Variants in PCDHGA11 observed in about 807,000 individuals in gnomAD.
The protein encoded by PCDHGA11 is protocadherin gamma-A11.
In PCDHGA11, 39 loss-of-function variants were observed where a neutral mutation model predicts 60.4. The observed-to-expected ratio is 0.65, with a 90% CI of 0.50 to 0.84. The LOEUF is 0.84. PCDHGA11 is among the 40% of genes least tolerant of loss of function. PCDHGA11 has a pLI of 0.00. For missense variants in PCDHGA11, 1,165 were observed against 1,197.7 expected (o/e 0.97, Z 0.40); for synonymous variants, 533 against 510.3 (o/e 1.04, Z -0.60).
chr5:141,506,760 G>A (rs1018086132), intron 3 of PCDHGA11, among the ~76,000 whole-genome samples: 1 of 152,128 alleles, frequency 6.6e-6, no homozygotes, highest in Non-Finnish European at 1.5e-5. Context: ...CTAGCTTCTG[G>A]AGCAGCAAAT....
At chr5:141,428,147 G>A (rs771536400) in intron 1 of PCDHGA11, 2 of 1,589,610 alleles carry the variant, frequency 1.3e-6, no homozygotes, top group Admixed American at 1.7e-5. Context: ...GGCTGCACAC[G>A]GGAACCTGCT....
At position 141,472,368 on chromosome 5, in the gene PCDHGA11, C is replaced by T. The variant is rs555805048; in HGVS notation, c.2434-22439C>T. ...CATCCTGGCTAACACGGTGAAACCC[C>T]GTCTCCACTAAAAATAGAAAAAATT... is the stretch of plus-strand genomic sequence containing the variant. On this transcript the variant is annotated intron_variant, in intron 1 of 3. Transcript: ENST00000398587. Among the ~76,000 whole-genome samples, 214 of 152,012 alleles carry T rather than the reference C, an allele frequency of 1.4e-3. 1 individual carries two copies. The highest frequency in any genetic ancestry group is 4.8e-3 in the African/African-American group (199 of 41,452).
In PCDHGA11 at chr5:141,495,049, T is replaced by G. The variant is rs543734863; in HGVS notation, c.2492+184T>G. ...CCCCGGAAGGAAGAGGCGACTGCCC[T>G]GACTGTTCAGGAAGCTCAATTCACA... On this transcript the variant is annotated intron_variant, in intron 2 of 3. Coordinates refer to ENST00000398587, the MANE Select transcript of PCDHGA11 (RefSeq NM_018914.3). Among the ~76,000 whole-genome samples the G allele has an allele frequency of 5.6e-4, 86 of 152,312 alleles. 1 individual carries two copies. Among genetic ancestry groups the G allele is most frequent in the African/African-American group, 1.6e-3 (65 of 41,578 alleles).
chr5:141,465,893 C>T (rs926928579), intron 1 of PCDHGA11, among the ~76,000 whole-genome samples: 23 of 152,078 alleles, frequency 1.5e-4, no homozygotes, highest in Middle Eastern at 3.4e-3. Context: ...GAGGCCGAGG[C>T]GGGCAAATCA....
rs1057108915 is a variant in PCDHGA11 at position 141,511,366 on chromosome 5, T to C, written c.*193T>C. The C allele has an allele frequency of 3.8e-6, 5 of 1,306,414 alleles. No individual in the cohort carries two copies. In the Admixed American group the frequency reaches 8.4e-5, roughly 22 times the overall value. The allele number at this position is 1,306,414 out of a possible 1,614,324, so 80.9% of individuals were successfully genotyped here. A position where few individuals can be genotyped will look rare whatever the true frequency, so the allele number is the denominator to read the frequency against. On this transcript the variant is annotated 3_prime_UTR_variant, in exon 4 of 4. Transcript: ENST00000398587. ...CCCTTCCCCCCCAGGGGGTTGAATA[T>C]GCAAAAGCAGTTCCGCTGGGAACCC...
At chr5:141,471,075 G>T (rs574363005) in intron 1 of PCDHGA11, among the ~76,000 whole-genome samples, 1 of 143,346 alleles carries the variant, frequency 7.0e-6, no homozygotes, top group East Asian at 2.0e-4. Context: ...TTGAGACAGG[G>T]TCTCCCTCTG....
intron 1 of PCDHGA11, chr5:141,478,131 A>G (rs747801474): frequency 6.2e-7 from 1 of 1,614,064 alleles, no homozygotes; most frequent in Non-Finnish European, 8.5e-7. Flanking sequence ...GACTCTCCTG[A>G]AGCCCGAGCC....
chr5:141,445,973 G>A (rs563637331), intron 1 of PCDHGA11, among the ~76,000 whole-genome samples: 28 of 152,326 alleles, frequency 1.8e-4, no homozygotes, highest in African/African-American at 6.0e-4. Flanking sequence ...ATTGATTTAT[G>A]AGGGTTATAA....
chr5:141,434,889 A>C (rs1213631251), intron 1 of PCDHGA11, among the ~76,000 whole-genome samples: 2 of 151,512 alleles, frequency 1.3e-5, no homozygotes, highest in African/African-American at 4.8e-5. Context: ...ACAACAATCC[A>C]GTCCCCTTCC....
intron 1 of PCDHGA11, chr5:141,441,144 T>C (rs141609485): frequency 6.6e-6 from 1 of 152,296 alleles, no homozygotes; most frequent in African/African-American, 2.4e-5. Context: ...TAGAAGATAA[T>C]GACAATATCC....
chr5:141,476,507 A>G lies in PCDHGA11; in HGVS notation c.2434-18300A>G. 1 of 1,614,102 alleles carries G rather than the reference A, an allele frequency of 6.2e-7. No individual in the cohort carries two copies. The highest frequency in any genetic ancestry group is 8.5e-7 in the Non-Finnish European group (1 of 1,180,008). On this transcript the variant is annotated intron_variant, in intron 1 of 3. Transcript: ENST00000398587. This position sits in a 1 kb window ranked among gnomAD's most constrained non-coding sequence, Gnocchi z 7.6. Reference sequence around the variant, plus strand: ...AGTGGTGATCCAGGACATCAACGACAACAATCCTGCTTTCCCTACCCAGGA... The same window carrying G: ...AGTGGTGATCCAGGACATCAACGACGACAATCCTGCTTTCCCTACCCAGGA...
At chr5:141,488,565 C>T (rs1308485284) in intron 1 of PCDHGA11, among the ~76,000 whole-genome samples, 1 of 152,174 alleles carries the variant, frequency 6.6e-6, no homozygotes, top group Non-Finnish European at 1.5e-5. Flanking sequence ...GAGATTTCCG[C>T]AAAGCATTGC....
chr5:141,457,149 G>A (rs1016628234), intron 1 of PCDHGA11, among the ~76,000 whole-genome samples: 6 of 152,180 alleles, frequency 3.9e-5, no homozygotes, highest in African/African-American at 1.4e-4. Flanking sequence ...TCAGTTAGAA[G>A]GTGCTACCAT....
chr5:141,507,796 G>GGGAA (rs2099863457), intron 3 of PCDHGA11, among the ~76,000 whole-genome samples: 1 of 152,220 alleles, frequency 6.6e-6, no homozygotes, highest in Admixed American at 6.5e-5. Flanking sequence ...GTCTAAGCCT[G>GGGAA]CGCCCTGGGG....
intron 2 of PCDHGA11, among the ~76,000 whole-genome samples, chr5:141,503,598 CAA>C (rs765754054): frequency 2.7e-4 from 18 of 65,718 alleles, no homozygotes; most frequent in Admixed American, 6.9e-4. Flanking sequence ...GACTCCAGCT[CAA>C]AAAAAAAAAA....
rs2099883887 is a variant in PCDHGA11, at chr5:141,511,641, ACC to A, written c.*469_*470del. 4.4e-6 allele frequency: 1 copy of A among 224,930 alleles called. No homozygotes were observed. Among genetic ancestry groups the A allele is most frequent in the Non-Finnish European group, 9.1e-6 (1 of 110,428 alleles). 13.9% of individuals were successfully genotyped at this position (224,930 alleles called of 1,614,324 possible). A position where few individuals can be genotyped will look rare whatever the true frequency, so the allele number is the denominator to read the frequency against. ...TCTGAAAAGTTGGAAGGGCATCATG[ACC>A]TCTTGGCCTCTCCTTTGATTCTCAA... On this transcript the variant is annotated 3_prime_UTR_variant, in exon 4 of 4. Coordinates refer to ENST00000398587, the MANE Select transcript of PCDHGA11 (RefSeq NM_018914.3).
rs1036223789 is a variant in PCDHGA11, at chr5:141,511,298, G to A, written c.*125G>A. On this transcript the variant is annotated 3_prime_UTR_variant, in exon 4 of 4. Transcript: ENST00000398587. ...GAATACTGGTAGGGGCCAAGGCCAT[G>A]CTCCCCTTGGGAAACAGAAACAAGT... The A allele has an allele frequency of 4.7e-6, 7 of 1,502,412 alleles. No individual in the cohort carries two copies. In the African/African-American group the frequency reaches 8.4e-5, roughly 18 times the overall value. The allele number at this position is 1,502,412 out of a possible 1,614,324, so 93.1% of individuals were successfully genotyped here. A position where few individuals can be genotyped will look rare whatever the true frequency, so the allele number is the denominator to read the frequency against.
Position 141,428,071 on chromosome 5 carries a change from C to T in PCDHGA11, c.2433+4411C>T, listed in dbSNP as rs968712502. ...AAGGTGGTGGCGGTGGACGCAGATTCGGGACACAACGCTTGGCTGTCCTAC... is the reference window on the plus strand; with the variant it reads ...AAGGTGGTGGCGGTGGACGCAGATTTGGGACACAACGCTTGGCTGTCCTAC... On this transcript the variant is annotated intron_variant, in intron 1 of 3. Transcript: ENST00000398587. The T allele has an allele frequency of 5.6e-6, 9 of 1,609,140 alleles. No homozygotes were observed. In the Middle Eastern group the frequency reaches 1.0e-3, roughly 184 times the overall value.
intron 1 of PCDHGA11, chr5:141,433,025 G>A: frequency 6.2e-7 from 1 of 1,614,144 alleles, no homozygotes; most frequent in Non-Finnish European, 8.5e-7. Context: ...CTATTCCCAC[G>A]AGGTTTCCCT....
Sources: allele counts gnomAD v4.1 joint callset (sites outside exome capture counted in the v4.1 genomes callset), GRCh38; gene constraint gnomAD v4.1.1; non-coding constraint Gnocchi (gnomAD v3.1); transcripts MANE v1.5; gene names NCBI Gene and HGNC (gene_info 2026-07-23, HGNC 2026-07-21).